Variants in TRIM67 observed in about 807,000 individuals in gnomAD.
The protein encoded by TRIM67 is tripartite motif containing 67.
In TRIM67, 39 loss-of-function variants were observed where a neutral mutation model predicts 71.0. The ratio of observed to expected loss-of-function variants is 0.55; its 90% confidence interval spans 0.43 to 0.72. TRIM67 has a LOEUF of 0.72. TRIM67 is among the 30% of genes least tolerant of loss of function. The pLI is 0.00. For synonymous variants in TRIM67, 481 were observed against 473.9 expected, an observed-to-expected ratio of 1.01 and a Z score of -0.19; for missense variants, 973 against 1,079.2, an observed-to-expected ratio of 0.90 and a Z score of 1.38.
chr1:231,220,048 A>G lies in TRIM67; in HGVS notation c.*4608A>G. On this transcript the variant is annotated 3_prime_UTR_variant, in exon 10 of 10. Coordinates refer to ENST00000366653, the MANE Select transcript of TRIM67 (RefSeq NM_001004342.5). The stretch of plus-strand genomic sequence containing the variant: ...CACCTGAAATGAGACTAGTCATACT[A>G]ACCTACCTCCTCTGATGTATTGTGA... 2.1e-6 allele frequency: 2 copies of G among 930,646 alleles called. No individual in the cohort carries two copies. Among genetic ancestry groups the G allele is most frequent in the Non-Finnish European group, 1.5e-6 (1 of 661,456 alleles). The allele number at this position is 930,646 out of a possible 1,614,324, so 57.6% of individuals were successfully genotyped here.
chr1:231,181,109 G>C (rs887939904), intron 1 of TRIM67, among the ~76,000 whole-genome samples: 1 of 152,174 alleles, frequency 6.6e-6, no homozygotes, highest in African/African-American at 2.4e-5. Flanking sequence ...GGGACTACAG[G>C]CATGCACCGC....
chr1:231,171,193 C>A (rs1313854878), intron 1 of TRIM67, among the ~76,000 whole-genome samples: 1 of 152,066 alleles, frequency 6.6e-6, no homozygotes, highest in Admixed American at 6.6e-5. Context: ...CCCTGGGCAC[C>A]AGTCAGGATC....
intron 6 of TRIM67, among the ~76,000 whole-genome samples, chr1:231,204,815 G>A (rs1159730310): frequency 1.3e-5 from 2 of 152,222 alleles, no homozygotes; most frequent in Non-Finnish European, 2.9e-5. Flanking sequence ...CCTTGCCGAA[G>A]GTCAACATTC....
chr1:231,208,142 G>A (rs528524639), intron 7 of TRIM67, among the ~76,000 whole-genome samples: 1 of 151,162 alleles, frequency 6.6e-6, no homozygotes, highest in African/African-American at 2.4e-5. Flanking sequence ...CCAAGCAGCT[G>A]GGACTATAGG....
Position 231,217,115 on chromosome 1 carries a change from C to T in TRIM67, c.*1675C>T. On this transcript the variant is annotated 3_prime_UTR_variant, in exon 10 of 10. Transcript: ENST00000366653. Reference sequence around the variant, plus strand: ...TGCCGGAGCCATGCAGGTACCCCCCCTCCACTCAGCAGGCCCGACAATCCT... The same window carrying T: ...TGCCGGAGCCATGCAGGTACCCCCCTTCCACTCAGCAGGCCCGACAATCCT... 2.0e-6 allele frequency: 2 copies of T among 985,966 alleles called. No individual in the cohort carries two copies. The highest frequency in any genetic ancestry group is 2.4e-6 in the Non-Finnish European group (2 of 830,020). The allele number at this position is 985,966 out of a possible 1,614,324, so 61.1% of individuals were successfully genotyped here. A position where few individuals can be genotyped will look rare whatever the true frequency, so the allele number is the denominator to read the frequency against.
At chr1:231,170,151 T>A (rs914918688) in intron 1 of TRIM67, among the ~76,000 whole-genome samples, 1 of 152,094 alleles carries the variant, frequency 6.6e-6, no homozygotes, top group African/African-American at 2.4e-5. Context: ...CATGCCCAGC[T>A]AATTTTTTAT....
intron 1 of TRIM67, among the ~76,000 whole-genome samples, chr1:231,179,487 A>G (rs147808859): frequency 6.6e-6 from 1 of 152,338 alleles, no homozygotes; most frequent in East Asian, 1.9e-4. Context: ...AGCCTATAAC[A>G]CACGAAAACA....
intron 1 of TRIM67, among the ~76,000 whole-genome samples, chr1:231,167,296 A>G (rs1179658756): frequency 6.8e-6 from 1 of 146,700 alleles, no homozygotes; most frequent in East Asian, 2.0e-4. Context: ...CAGAAAAGAC[A>G]GGACTTTTGA....
At chr1:231,164,746 G>A (rs1209013390) in intron 1 of TRIM67, among the ~76,000 whole-genome samples, 1 of 152,150 alleles carries the variant, frequency 6.6e-6, no homozygotes, top group Non-Finnish European at 1.5e-5. Context: ...TATTTGAATT[G>A]AGGAGGAAAA....
At chr1:231,184,811 A>G (rs1683013025) in intron 1 of TRIM67, 2 of 589,882 alleles carry the variant, frequency 3.4e-6, no homozygotes, top group Non-Finnish European at 6.0e-6. Context: ...GCACACCATC[A>G]TTAAACCTTG....
rs773312756 is a variant in TRIM67 at position 231,197,483 on chromosome 1, C to T, written c.1140+17C>T. The stretch of plus-strand genomic sequence containing the variant: ...CAGATCCAGGTGAGCACAGCTCTGG[C>T]GTCGGGAGAAATACTCAGTGTTGAA... On this transcript the variant is annotated intron_variant, in intron 2 of 9. Transcript: ENST00000366653. The T allele has an allele frequency of 6.2e-6, 10 of 1,609,220 alleles. No homozygotes were observed. Among genetic ancestry groups the T allele is most frequent in the South Asian group, 5.5e-5 (5 of 90,874 alleles).
Position 231,203,945 on chromosome 1 carries a change from C to A in TRIM67, c.1613C>A (p.Pro538His). The stretch of plus-strand genomic sequence containing the variant: ...GTCACGCTGGCCTGGAGGATGCCAC[C>A]CTTCACCCACAGCCCCGTGGACGGC... ...NSVTLAWRMP[P>H]FTHSPVDGYI... is the part of the protein sequence containing the mutation. The change falls in exon 6 of 10, where the codon CCC (proline) becomes CAC (histidine). Residue 538 changes from proline to histidine, a missense_variant. Pro to His is a moderately conservative substitution (Grantham distance 77). Coordinates refer to ENST00000366653, the MANE Select transcript of TRIM67 (RefSeq NM_001004342.5). 6.2e-7 allele frequency: 1 copy of A among 1,613,998 alleles called. No homozygotes were observed. Among genetic ancestry groups the A allele is most frequent in the South Asian group, 1.1e-5 (1 of 91,090 alleles).
intron 6 of TRIM67, among the ~76,000 whole-genome samples, chr1:231,205,697 G>C (rs111266010): frequency 6.7e-6 from 1 of 149,268 alleles, no homozygotes. Flanking sequence ...CTGCACTCCA[G>C]CCTGGGTGAC....
Position 231,210,366 on chromosome 1 carries a change from G to T in TRIM67, c.2123+1116G>T, listed in dbSNP as rs137904498. On this transcript the variant is annotated intron_variant, in intron 8 of 9. Transcript: ENST00000366653. ...GGAAGGACCAGCTTCTTCTTTCTCA[G>T]GGAAGCCACGTCTAATCTGGGCCAG... Among the ~76,000 whole-genome samples, 294 of 152,126 alleles carry T rather than the reference G, an allele frequency of 1.9e-3. 1 individual carries two copies. The highest frequency in any genetic ancestry group is 6.8e-3 in the African/African-American group (284 of 41,544).
Position 231,219,178 on chromosome 1 carries a change from A to T in TRIM67, c.*3738A>T. On this transcript the variant is annotated 3_prime_UTR_variant, in exon 10 of 10. Transcript: ENST00000366653. The stretch of plus-strand genomic sequence containing the variant: ...GCTGCACAGCCCGTGGGGTGGCGCC[A>T]GGGTTTCTCAACCTCTACTGACATT... 1.0e-6 allele frequency: 1 copy of T among 985,554 alleles called. No individual in the cohort carries two copies. Among genetic ancestry groups the T allele is most frequent in the African/African-American group, 1.7e-5 (1 of 57,324 alleles). 61.1% of individuals were successfully genotyped at this position (985,554 alleles called of 1,614,324 possible). A position where few individuals can be genotyped will look rare whatever the true frequency, so the allele number is the denominator to read the frequency against.
At position 231,219,634 on chromosome 1, in the gene TRIM67, T is replaced by C. The variant is rs1684094117; in HGVS notation, c.*4194T>C. On this transcript the variant is annotated 3_prime_UTR_variant, in exon 10 of 10. Coordinates refer to ENST00000366653, the MANE Select transcript of TRIM67 (RefSeq NM_001004342.5). ...TAGAAAGCAAAACTCGTTACCTTTG[T>C]TTTCCTTGGCCACATTTTACTGGAA... 1 of 1,148,030 alleles carries C rather than the reference T, an allele frequency of 8.7e-7. No individual in the cohort carries two copies. Among genetic ancestry groups the C allele is most frequent in the African/African-American group, 1.6e-5 (1 of 61,146 alleles). 71.1% of individuals were successfully genotyped at this position (1,148,030 alleles called of 1,614,324 possible).
In TRIM67 at chr1:231,218,741, C is replaced by A. The variant is rs934054484; in HGVS notation, c.*3301C>A. The A allele has an allele frequency of 1.0e-5, 10 of 985,442 alleles. No individual in the cohort carries two copies. In the South Asian group the frequency reaches 3.3e-4, roughly 32 times the overall value. The allele number at this position is 985,442 out of a possible 1,614,324, so 61.0% of individuals were successfully genotyped here. On this transcript the variant is annotated 3_prime_UTR_variant, in exon 10 of 10. Transcript: ENST00000366653. ...GATATGTACTTTGTAGTTGCAACAGCGCCCTAGGTGCCCTATGGCCCACCA... is the reference window on the plus strand; with the variant it reads ...GATATGTACTTTGTAGTTGCAACAGAGCCCTAGGTGCCCTATGGCCCACCA...
At chr1:231,187,626 T>G in intron 1 of TRIM67, 12 of 1,425,262 alleles carry the variant, frequency 8.4e-6, no homozygotes, top group Non-Finnish European at 1.0e-5. Context: ...CTTCGATTCC[T>G]GTTTTAATAC....
intron 1 of TRIM67, chr1:231,186,239 C>T: frequency 7.4e-7 from 1 of 1,354,532 alleles, no homozygotes. Flanking sequence ...AGAGTACATT[C>T]TGGCAAAAGC....
Sources: gnomAD v4.1 joint callset for allele counts (sites outside exome capture counted in the v4.1 genomes callset) on GRCh38, gnomAD v4.1.1 for gene constraint, MANE v1.5 for transcripts, NCBI Gene and HGNC (gene_info 2026-07-23, HGNC 2026-07-21) for gene names.